CIMAP2: variants seen among roughly 807,000 people sequenced by gnomAD.
CIMAP2 encodes ciliary microtubule-associated protein 2.
chr1:54,836,457 C>A, the CIMAP2 span, among the ~76,000 whole-genome samples: 1 of 151,480 alleles, frequency 6.6e-6, no homozygotes, highest in Non-Finnish European at 1.5e-5. Context: ...GGTGGTGGAA[C>A]ATGCTCTTTG....
chr1:54,830,775 T>C, the CIMAP2 span, among the ~76,000 whole-genome samples: 1 of 152,220 alleles, frequency 6.6e-6, no homozygotes, highest in African/African-American at 2.4e-5. This position sits in a 1 kb window ranked among gnomAD's most constrained non-coding sequence, Gnocchi z 4.1. Context: ...GCCAATTCCT[T>C]AGTCTTTTGG....
At chr1:54,840,688 AG>A in the CIMAP2 span, among the ~76,000 whole-genome samples, 1 of 152,224 alleles carries the variant, frequency 6.6e-6, no homozygotes, top group Non-Finnish European at 1.5e-5. Flanking sequence ...CCATTCTAAT[AG>A]TATATTTCAT....
chr1:54,808,028 C>A, the CIMAP2 span: 2 of 1,534,012 alleles, frequency 1.3e-6, no homozygotes, highest in Admixed American at 2.2e-5. Context: ...GTTCTCATGT[C>A]TGGAGTCCCA....
chr1:54,820,470 G>C, the CIMAP2 span, among the ~76,000 whole-genome samples: 1 of 151,520 alleles, frequency 6.6e-6, no homozygotes. Context: ...GAGCCACTAC[G>C]CCTGGCCTAT....
the CIMAP2 span, among the ~76,000 whole-genome samples, chr1:54,839,745 A>G: frequency 6.6e-6 from 1 of 151,782 alleles, no homozygotes; most frequent in African/African-American, 2.4e-5. Context: ...ATACAATTCT[A>G]TGAGGTTTTG....
the CIMAP2 span, among the ~76,000 whole-genome samples, chr1:54,824,331 C>G: frequency 6.6e-6 from 1 of 152,116 alleles, no homozygotes; most frequent in Non-Finnish European, 1.5e-5. Flanking sequence ...CCTGACCTGT[C>G]TTTGACTTTT....
the CIMAP2 span, chr1:54,807,525 G>A: frequency 6.5e-7 from 1 of 1,547,640 alleles, no homozygotes; most frequent in South Asian, 1.2e-5. Context: ...CTCTGACTCA[G>A]TCCCACATAG....
the CIMAP2 span, among the ~76,000 whole-genome samples, chr1:54,809,778 T>C: frequency 3.9e-5 from 6 of 152,178 alleles, no homozygotes; most frequent in African/African-American, 1.4e-4. Context: ...GGGACAAGCC[T>C]GACTCTGTTT....
the CIMAP2 span, among the ~76,000 whole-genome samples, chr1:54,820,110 C>CTT: frequency 1.9e-4 from 19 of 97,866 alleles, no homozygotes; most frequent in African/African-American, 7.7e-4. Context: ...CTTTCTCTCT[C>CTT]TCTCTTTCTT....
the CIMAP2 span, chr1:54,811,766 C>CCGGGGGGGGGGGGGG: frequency 2.5e-5 from 32 of 1,305,158 alleles, no homozygotes; most frequent in Non-Finnish European, 3.3e-5. Context: ...GTTCTGACAG[C>CCGGGGGGGGGGGGGG]CTCCATGCCC....
At chr1:54,823,545 A>G in the CIMAP2 span, among the ~76,000 whole-genome samples, 2 of 152,214 alleles carry the variant, frequency 1.3e-5, no homozygotes, top group Non-Finnish European at 2.9e-5. Context: ...TTTAATTGGG[A>G]AATTTAAAAC....
chr1:54,835,049 T>A, the CIMAP2 span, among the ~76,000 whole-genome samples: 1 of 152,242 alleles, frequency 6.6e-6, no homozygotes, highest in Non-Finnish European at 1.5e-5. Flanking sequence ...GCATACTGCA[T>A]TTTTAGTATT....
the CIMAP2 span, among the ~76,000 whole-genome samples, chr1:54,818,668 T>C: frequency 6.6e-6 from 1 of 152,160 alleles, no homozygotes; most frequent in African/African-American, 2.4e-5. Flanking sequence ...CTTGGCTCAC[T>C]GCAACCTCTG....
the CIMAP2 span, among the ~76,000 whole-genome samples, chr1:54,818,695 G>A: frequency 1.3e-5 from 2 of 151,970 alleles, no homozygotes; most frequent in African/African-American, 2.4e-5. Context: ...AGGCACAAGC[G>A]ATCCTCCTGC....
chr1:54,821,183 G>A, the CIMAP2 span, among the ~76,000 whole-genome samples: 1 of 146,688 alleles, frequency 6.8e-6, no homozygotes. Flanking sequence ...TCTACACGTT[G>A]TCTCTTCACT....
the CIMAP2 span, among the ~76,000 whole-genome samples, chr1:54,831,265 A>C: frequency 6.6e-6 from 1 of 152,242 alleles, no homozygotes. Flanking sequence ...AGATGCACAA[A>C]TATTGGGATA....
the CIMAP2 span, among the ~76,000 whole-genome samples, chr1:54,827,674 A>G: frequency 6.6e-6 from 1 of 152,226 alleles, no homozygotes; most frequent in African/African-American, 2.4e-5. Flanking sequence ...GACTGAATGA[A>G]TGACACAGGT....
chr1:54,838,418 G>T, the CIMAP2 span, among the ~76,000 whole-genome samples: 3 of 151,814 alleles, frequency 2.0e-5, no homozygotes, highest in African/African-American at 7.3e-5. Context: ...AGCGGTGGAG[G>T]TTGCAGTGAG....
the CIMAP2 span, among the ~76,000 whole-genome samples, chr1:54,840,691 A>AT: frequency 5.9e-5 from 9 of 152,222 alleles, no homozygotes; most frequent in African/African-American, 2.2e-4. Flanking sequence ...TTCTAATAGT[A>AT]TATTTCATTA....
Sources: gnomAD v4.1 joint callset for allele counts (sites outside exome capture counted in the v4.1 genomes callset) on GRCh38, gnomAD v4.1.1 for gene constraint, Gnocchi (gnomAD v3.1) non-coding constraint, MANE v1.5 for transcripts, NCBI Gene and HGNC (gene_info 2026-07-23, HGNC 2026-07-21) for gene names.